SLC10A7: variants seen among roughly 807,000 people sequenced by gnomAD.
The protein encoded by SLC10A7 is solute carrier family 10 member 7.
SLC10A7 carries 29 observed loss-of-function variants against 43.2 expected under a neutral mutation model. That is an observed-to-expected ratio of 0.67 (90% CI 0.50 to 0.92). The LOEUF (loss-of-function observed/expected upper bound fraction) is 0.92, where lower values mean the gene tolerates loss of function less well. SLC10A7 is among the 40% of genes least tolerant of loss of function. The pLI is 0.00. For synonymous variants in SLC10A7, 152 were observed against 144.8 expected, an observed-to-expected ratio of 1.05 and a Z score of -0.35; for missense variants, 295 against 403.2, an observed-to-expected ratio of 0.73 and a Z score of 2.30.
intron 4 of SLC10A7, among the ~76,000 whole-genome samples, chr4:146,463,947 C>G (rs2149944135): frequency 6.6e-6 from 1 of 151,748 alleles, no homozygotes; most frequent in East Asian, 1.9e-4. Context: ...CTCAGCCTCC[C>G]AAGTTGCTGG....
chr4:146,366,697 T>TATA (rs1736413170), intron 5 of SLC10A7, among the ~76,000 whole-genome samples: 1 of 152,238 alleles, frequency 6.6e-6, no homozygotes, highest in African/African-American at 2.4e-5. Context: ...TTATCTTGTC[T>TATA]ATAATTTCTA....
At chr4:146,337,182 G>C (rs1355206011) in intron 5 of SLC10A7, among the ~76,000 whole-genome samples, 1 of 152,006 alleles carries the variant, frequency 6.6e-6, no homozygotes, top group Non-Finnish European at 1.5e-5. Flanking sequence ...TCTTAAAAAT[G>C]CTTATTTGCA....
intron 4 of SLC10A7, among the ~76,000 whole-genome samples, chr4:146,488,264 T>A (rs1299764477): frequency 1.3e-5 from 2 of 152,164 alleles, no homozygotes; most frequent in African/African-American, 4.8e-5. Flanking sequence ...GTATTTACTA[T>A]AATAGGAGAT....
At chr4:146,504,040 T>C (rs1736665614) in intron 3 of SLC10A7, 116 bp from the exon 4 acceptor site, 2 of 855,040 alleles carry the variant, frequency 2.3e-6, no homozygotes, top group East Asian at 2.6e-5. Context: ...TATTTATTGA[T>C]GCACATCCCC....
chr4:146,467,541 CCTTTT>C (rs1733145952), intron 4 of SLC10A7, among the ~76,000 whole-genome samples: 1 of 145,990 alleles, frequency 6.8e-6, no homozygotes, highest in Admixed American at 6.9e-5. Flanking sequence ...GTTTTTTTGC[CCTTTT>C]CTTTTTTCTT....
intron 10 of SLC10A7, among the ~76,000 whole-genome samples, chr4:146,262,676 T>C (rs957991127): frequency 2.0e-5 from 3 of 152,188 alleles, no homozygotes; most frequent in Non-Finnish European, 4.4e-5. Context: ...GGAAGCGTGA[T>C]TTGACCTAAC....
intron 10 of SLC10A7, among the ~76,000 whole-genome samples, chr4:146,265,365 C>T (rs952842036): frequency 6.6e-6 from 1 of 152,196 alleles, no homozygotes; most frequent in African/African-American, 2.4e-5. Flanking sequence ...TCAGGGCTGG[C>T]ACTTTTTAAT....
chr4:146,292,277 T>C (rs543374431), intron 9 of SLC10A7, among the ~76,000 whole-genome samples: 17 of 152,238 alleles, frequency 1.1e-4, no homozygotes, highest in African/African-American at 4.1e-4. Context: ...CACTATGAAA[T>C]GCATAACAAA....
intron 4 of SLC10A7, among the ~76,000 whole-genome samples, chr4:146,494,143 A>G (rs535764422): frequency 5.9e-5 from 9 of 152,216 alleles, no homozygotes; most frequent in Non-Finnish European, 1.2e-4. Context: ...ATATCAATGC[A>G]TGAGATCCTT....
Position 146,349,013 on chromosome 4 carries a change from T to C in SLC10A7, c.436-23017A>G, listed in dbSNP as rs565989783. Among the ~76,000 whole-genome samples the C allele has an allele frequency of 1.7e-3, 262 of 152,332 alleles. 1 individual carries two copies. The highest frequency in any genetic ancestry group is 5.6e-3 in the African/African-American group (233 of 41,576). On this transcript the variant is annotated intron_variant, in intron 5 of 11. Coordinates refer to ENST00000335472, the MANE Select transcript of SLC10A7 (RefSeq NM_001029998.6). ...TTTCTTAGATTTAAAATGGGCATAA[T>C]TTGCTGATCATTCACTGAGAGTGTA...
At chr4:146,516,502 A>G (rs1023086006) in intron 2 of SLC10A7, among the ~76,000 whole-genome samples, 1 of 149,970 alleles carries the variant, frequency 6.7e-6, no homozygotes, top group African/African-American at 2.4e-5. Context: ...ATATACATAT[A>G]CACATACATA....
chr4:146,427,632 ATT>A (rs139083517), intron 5 of SLC10A7, among the ~76,000 whole-genome samples: 3,008 of 152,254 alleles, frequency 0.02, 90 homozygotes, highest in African/African-American at 0.069. Flanking sequence ...ATCTCTACTC[ATT>A]GTTTCCTCTT....
chr4:146,510,343 T>G (rs1428557446), intron 2 of SLC10A7, among the ~76,000 whole-genome samples: 1 of 151,492 alleles, frequency 6.6e-6, no homozygotes, highest in East Asian at 1.9e-4. Flanking sequence ...CACTGCAACC[T>G]CCGTCCCCCA....
chr4:146,429,430 G>A (rs1224390003), intron 5 of SLC10A7, among the ~76,000 whole-genome samples: 1 of 152,078 alleles, frequency 6.6e-6, no homozygotes, highest in Non-Finnish European at 1.5e-5. Context: ...TTTGTGCCAA[G>A]TACTATAAAT....
At chr4:146,329,973 C>T (rs1281651493) in intron 5 of SLC10A7, among the ~76,000 whole-genome samples, 1 of 152,144 alleles carries the variant, frequency 6.6e-6, no homozygotes, top group East Asian at 1.9e-4. Context: ...TTACCTCCTC[C>T]TTGCAGATTC....
intron 9 of SLC10A7, among the ~76,000 whole-genome samples, chr4:146,286,051 A>AG (rs1729898531): frequency 8.3e-5 from 12 of 145,148 alleles, no homozygotes; most frequent in Non-Finnish European, 1.5e-4. Flanking sequence ...TGGAGTGGTG[A>AG]AAAGGACTGT....
At chr4:146,502,068 A>G (rs1349815776) in intron 4 of SLC10A7, among the ~76,000 whole-genome samples, 1 of 152,180 alleles carries the variant, frequency 6.6e-6, no homozygotes, top group African/African-American at 2.4e-5. Context: ...TAAACAAACC[A>G]CCCAATTTTT....
chr4:146,521,700 T>G lies in SLC10A7; in HGVS notation c.18A>C (p.Arg6Ser), dbSNP rs116538438. 6.1e-4 allele frequency: 988 copies of G among 1,614,156 alleles called. 5 individuals carry two copies. The African/African-American group carries it at 0.012, about 19-fold the overall frequency. MRLLE[R>S]MRKDWFMVGI... ...CGACCATGAACCAGTCTTTCCTCAT[T>G]CTCTCCAGCAGCCTCATATTTGTTA... The change falls in exon 1 of 12, where the codon AGA becomes AGC. Residue 6 changes from arginine to serine, a missense_variant. Transcript: ENST00000335472.
intron 5 of SLC10A7, among the ~76,000 whole-genome samples, chr4:146,339,764 C>A (rs1208302947): frequency 6.6e-6 from 1 of 150,930 alleles, no homozygotes; most frequent in African/African-American, 2.4e-5. Flanking sequence ...CATATCCTCA[C>A]TTCTACTGAC....
Sources: allele counts gnomAD v4.1 joint callset (sites outside exome capture counted in the v4.1 genomes callset), GRCh38; gene constraint gnomAD v4.1.1; transcripts MANE v1.5; gene names NCBI Gene and HGNC (gene_info 2026-07-23, HGNC 2026-07-21).